The following GPR146 variants were observed in gnomAD, a reference collection of about 807,000 sequenced individuals.
GPR146 encodes the protein G-protein coupled receptor 146.
For synonymous variants in GPR146, 203 were observed against 104.3 expected, an observed-to-expected ratio of 1.95 and a Z score of -5.77; for missense variants, 381 against 213.9, an observed-to-expected ratio of 1.78 and a Z score of -4.87.
At chr7:1,054,306 CTCA>C (rs1783492167) in intron 1 of GPR146, among the ~76,000 whole-genome samples, 1 of 152,224 alleles carries the variant, frequency 6.6e-6, no homozygotes, top group Non-Finnish European at 1.5e-5. Flanking sequence ...AGAAACCATC[CTCA>C]TCATTGATAC....
rs530873007 is a variant in GPR146, at chr7:1,058,593, C to A, written c.*76C>A. The A allele has an allele frequency of 6.0e-6, 4 of 664,856 alleles. No individual in the cohort carries two copies. The South Asian group carries it at 7.0e-5, about 12-fold the overall frequency. 41.2% of individuals were successfully genotyped at this position (664,856 alleles called of 1,614,324 possible). A position where few individuals can be genotyped will look rare whatever the true frequency, so the allele number is the denominator to read the frequency against. On this transcript the variant is annotated 3_prime_UTR_variant, in exon 2 of 2. Coordinates refer to ENST00000444847, the MANE Select transcript of GPR146 (RefSeq NM_001303473.2). ...AGTTACCCTGGACGCTCCCCACATCCTTCCAGAAGGAGACGAGCTGCTGGA... is the reference window on the plus strand; with the variant it reads ...AGTTACCCTGGACGCTCCCCACATCATTCCAGAAGGAGACGAGCTGCTGGA...
At chr7:1,051,587 A>T (rs1783115804) in intron 1 of GPR146, among the ~76,000 whole-genome samples, 1 of 152,204 alleles carries the variant, frequency 6.6e-6, no homozygotes, top group East Asian at 1.9e-4. Context: ...TCCAAATGAG[A>T]CTGGTCAGAT....
intron 1 of GPR146, chr7:1,056,862 G>C (rs1292053462): frequency 6.6e-6 from 1 of 151,630 alleles, no homozygotes; most frequent in Non-Finnish European, 1.5e-5. Context: ...TGCTTTGGCG[G>C]GGTGGGGGGG....
chr7:1,050,081 G>A lies in GPR146; in HGVS notation c.-25+5423G>A, dbSNP rs1583560396. ...CCCTCAGCGGGCCCCACTCTGAACC[G>A]CAAGCACAGGGTCTTCTGCAGTGTG... On this transcript the variant is annotated intron_variant, in intron 1 of 1. Transcript: ENST00000444847. Among the ~76,000 whole-genome samples, 4 of 152,354 alleles carry A rather than the reference G, an allele frequency of 2.6e-5. No individual in the cohort carries two copies. In the South Asian group the frequency reaches 8.3e-4, roughly 32 times the overall value.
At position 1,052,729 on chromosome 7, in the gene GPR146, C is replaced by T. The variant is rs574239526; in HGVS notation, c.-24-4763C>T. Among the ~76,000 whole-genome samples the T allele has an allele frequency of 6.6e-5, 10 of 152,108 alleles. No homozygotes were observed. The highest frequency in any genetic ancestry group is 1.9e-4 in the East Asian group (1 of 5,150). Reference sequence around the variant, plus strand: ...GGAAGCTGAATATCACCCCCGCCACCGGGCAGGCAGTGCTCAGAGTGAAAC... The same window carrying T: ...GGAAGCTGAATATCACCCCCGCCACTGGGCAGGCAGTGCTCAGAGTGAAAC... On this transcript the variant is annotated intron_variant, in intron 1 of 1. Coordinates refer to ENST00000444847, the MANE Select transcript of GPR146 (RefSeq NM_001303473.2). The surrounding 1 kb of genome is among the most constrained non-coding windows in gnomAD (Gnocchi z 4.2).
intron 1 of GPR146, among the ~76,000 whole-genome samples, chr7:1,053,513 C>T (rs992314352): frequency 6.6e-6 from 1 of 152,186 alleles, no homozygotes; most frequent in Non-Finnish European, 1.5e-5. Context: ...TGTGGGTGCC[C>T]CCTGCAGCTC....
intron 1 of GPR146, among the ~76,000 whole-genome samples, chr7:1,047,660 A>G (rs1782703665): frequency 6.6e-6 from 1 of 152,262 alleles, no homozygotes; most frequent in African/African-American, 2.4e-5. Context: ...CTCATGGTGC[A>G]TGGCAGGTTC....
At position 1,058,299 on chromosome 7, in the gene GPR146, C is replaced by G; in HGVS notation, c.784C>G (p.Arg262Gly). Reference sequence around the variant, plus strand: ...GCTGGGGCACACGGTCATCATCTCGCGAGGGAAGCCCGTGGACGCACACTA... The same window carrying G: ...GCTGGGGCACACGGTCATCATCTCGGGAGGGAAGCCCGTGGACGCACACTA... ...ILLGHTVIISRGKPVDAHYLG... is the reference protein window; with the variant it reads ...ILLGHTVIISGGKPVDAHYLG... The change falls in exon 2 of 2, where the codon CGA becomes GGA. Residue 262 changes from arginine (R) to glycine (G), a missense_variant. By Grantham distance (125) the Arg-to-Gly change is moderately radical (BLOSUM62 -2). Coordinates refer to ENST00000444847, the MANE Select transcript of GPR146 (RefSeq NM_001303473.2). The G allele has an allele frequency of 1.3e-6, 1 of 774,720 alleles. No homozygotes were observed. The highest frequency in any genetic ancestry group is 2.4e-6 in the Non-Finnish European group (1 of 418,080). 48.0% of individuals were successfully genotyped at this position (774,720 alleles called of 1,614,324 possible). A position where few individuals can be genotyped will look rare whatever the true frequency, so the allele number is the denominator to read the frequency against.
At chr7:1,048,622 G>T (rs942322691) in intron 1 of GPR146, among the ~76,000 whole-genome samples, 2 of 152,154 alleles carry the variant, frequency 1.3e-5, no homozygotes, top group African/African-American at 2.4e-5. Context: ...ACTGCTCACA[G>T]ACATTCATTA....
At position 1,058,673 on chromosome 7, in the gene GPR146, T is replaced by C. The variant is rs1401040600; in HGVS notation, c.*156T>C. ...GTTTCCTTTTTCCCACAAATGCCAC[T>C]CTTGGGCCAAGGCTGTGGTCCCCGT... On this transcript the variant is annotated 3_prime_UTR_variant, in exon 2 of 2. Coordinates refer to ENST00000444847, the MANE Select transcript of GPR146 (RefSeq NM_001303473.2). 6 of 610,918 alleles carry C rather than the reference T, an allele frequency of 9.8e-6. No homozygotes were observed. In the African/African-American group the frequency reaches 1.1e-4, roughly 11 times the overall value. 37.8% of individuals were successfully genotyped at this position (610,918 alleles called of 1,614,324 possible). A position where few individuals can be genotyped will look rare whatever the true frequency, so the allele number is the denominator to read the frequency against.
chr7:1,046,008 G>A (rs2128191876), intron 1 of GPR146, among the ~76,000 whole-genome samples: 1 of 152,374 alleles, frequency 6.6e-6, no homozygotes, highest in East Asian at 1.9e-4. Flanking sequence ...CCAGTAGGCT[G>A]ATGAAGAGAG....
intron 1 of GPR146, among the ~76,000 whole-genome samples, chr7:1,053,043 G>A (rs2128198725): frequency 6.6e-6 from 1 of 152,350 alleles, no homozygotes; most frequent in Non-Finnish European, 1.5e-5. Context: ...ATGGCTGACG[G>A]GAAAGAAGGC....
intron 1 of GPR146, chr7:1,055,491 C>A: frequency 6.6e-6 from 3 of 454,646 alleles, no homozygotes; most frequent in Admixed American, 2.4e-5. Flanking sequence ...AAGGTGAGAG[C>A]CTGTGGTGCC....
chr7:1,049,012 A>G (rs4723820), intron 1 of GPR146, among the ~76,000 whole-genome samples: 2 of 152,128 alleles, frequency 1.3e-5, no homozygotes, highest in Admixed American at 1.3e-4. Context: ...AAGCCTCTGC[A>G]GTCTGAGCGT....
intron 1 of GPR146, among the ~76,000 whole-genome samples, chr7:1,053,054 A>G (rs1222675487): frequency 6.6e-6 from 1 of 152,208 alleles, no homozygotes; most frequent in East Asian, 1.9e-4. Flanking sequence ...GAAAGAAGGC[A>G]CAGCGGGCCT....
Position 1,058,857 on chromosome 7 carries a change from T to TA in GPR146, c.*344dup. 2 of 255,242 alleles carry TA rather than the reference T, an allele frequency of 7.8e-6. No individual in the cohort carries two copies. The highest frequency in any genetic ancestry group is 1.6e-5 in the Non-Finnish European group (2 of 124,078). 15.8% of individuals were successfully genotyped at this position (255,242 alleles called of 1,614,324 possible). A position where few individuals can be genotyped will look rare whatever the true frequency, so the allele number is the denominator to read the frequency against. On this transcript the variant is annotated 3_prime_UTR_variant, in exon 2 of 2. Transcript: ENST00000444847. ...AGAGCCAGTATTTATACTTTGTGGTTAAAATACTTGATTCCCCCTTGTTTG... is the reference window on the plus strand; with the variant it reads ...AGAGCCAGTATTTATACTTTGTGGTTAAAAATACTTGATTCCCCCTTGTTTG...
chr7:1,046,122 T>C (rs970483885), intron 1 of GPR146, among the ~76,000 whole-genome samples: 1 of 152,216 alleles, frequency 6.6e-6, no homozygotes, highest in African/African-American at 2.4e-5. Flanking sequence ...GATCGCTGCA[T>C]GGGGAAATAT....
intron 1 of GPR146, among the ~76,000 whole-genome samples, chr7:1,047,519 A>T (rs573967173): frequency 6.6e-6 from 1 of 152,266 alleles, no homozygotes; most frequent in Non-Finnish European, 1.5e-5. Flanking sequence ...TTTCCTAAGC[A>T]TCTGGCTCCT....
intron 1 of GPR146, among the ~76,000 whole-genome samples, chr7:1,047,904 C>G (rs1000634271): frequency 2.6e-5 from 4 of 152,220 alleles, no homozygotes; most frequent in African/African-American, 9.6e-5. Context: ...CCTTTTACGT[C>G]ACTGAATACA....
Sources: gnomAD v4.1 joint callset for allele counts (sites outside exome capture counted in the v4.1 genomes callset) on GRCh38, gnomAD v4.1.1 for gene constraint, Gnocchi (gnomAD v3.1) non-coding constraint, MANE v1.5 for transcripts, NCBI Gene and HGNC (gene_info 2026-07-23, HGNC 2026-07-21) for gene names.